MAML3: variants seen among roughly 807,000 people sequenced by gnomAD.
The protein encoded by MAML3 is mastermind-like protein 3.
Under a neutral mutation model 101.9 loss-of-function variants are expected in MAML3, and 27 were observed. The ratio of observed to expected loss-of-function variants is 0.27; its 90% CI spans 0.20 to 0.37. The LOEUF is 0.37. MAML3 is among the 10% of genes least tolerant of loss of function. MAML3 has a pLI of 1.00. For synonymous variants in MAML3, 501 were observed against 555.9 expected, an observed-to-expected ratio of 0.90 and a Z score of 1.39; for missense variants, 1,316 against 1,444.9, an observed-to-expected ratio of 0.91 and a Z score of 1.45.
intron 1 of MAML3, among the ~76,000 whole-genome samples, chr4:140,110,451 A>G (rs74401894): frequency 6.6e-6 from 1 of 152,218 alleles, no homozygotes; most frequent in African/African-American, 2.4e-5. Context: ...ACGCTCTAAT[A>G]ATAAGATGGC....
intron 1 of MAML3, among the ~76,000 whole-genome samples, chr4:140,088,327 C>A (rs188901544): frequency 1.3e-3 from 200 of 152,254 alleles, no homozygotes; most frequent in Non-Finnish European, 2.4e-3. Context: ...CCTCCTCTCT[C>A]CCCTATCCCC....
At chr4:140,118,774 A>G (rs1174234203) in intron 1 of MAML3, among the ~76,000 whole-genome samples, 5 of 152,208 alleles carry the variant, frequency 3.3e-5, no homozygotes, top group African/African-American at 1.2e-4. Context: ...ATGCTGTAGC[A>G]GGGAAAGAGA....
chr4:139,804,634 AG>A (rs1002098322), intron 2 of MAML3, among the ~76,000 whole-genome samples: 3 of 152,174 alleles, frequency 2.0e-5, no homozygotes, highest in Non-Finnish European at 4.4e-5. Flanking sequence ...TTGATTTTTA[AG>A]GTCTGCTTAT....
intron 2 of MAML3, among the ~76,000 whole-genome samples, chr4:139,800,344 T>C (rs1730582716): frequency 6.6e-6 from 1 of 152,184 alleles, no homozygotes; most frequent in African/African-American, 2.4e-5. Flanking sequence ...AGTCTACTTG[T>C]GTGGTCTCAG....
Position 139,774,115 on chromosome 4 carries a change from C to G in MAML3, c.2080-43448G>C, listed in dbSNP as rs1032742764. Reference sequence around the variant, plus strand: ...GCCACAGAAAAGAGCAGCAGAGCACCAGGACTTGGCTCAGCTCCAAGTCAG... The same window carrying G: ...GCCACAGAAAAGAGCAGCAGAGCACGAGGACTTGGCTCAGCTCCAAGTCAG... On this transcript the variant is annotated intron_variant, in intron 2 of 4. Coordinates refer to ENST00000509479, the MANE Select transcript of MAML3 (RefSeq NM_018717.5). Among the ~76,000 whole-genome samples the G allele has an allele frequency of 5.9e-5, 9 of 152,142 alleles. No individual in the cohort carries two copies. The East Asian group carries it at 1.7e-3, about 29-fold the overall frequency.
At chr4:140,091,543 C>CAAAA (rs1186102121) in intron 1 of MAML3, among the ~76,000 whole-genome samples, 2 of 108,268 alleles carry the variant, frequency 1.8e-5, no homozygotes, top group Admixed American at 2.1e-4. Context: ...AAAACAAAAA[C>CAAAA]AAAACAAAAA....
intron 2 of MAML3, among the ~76,000 whole-genome samples, chr4:139,842,007 G>T (rs2111145931): frequency 6.6e-6 from 1 of 152,324 alleles, no homozygotes; most frequent in South Asian, 2.1e-4. Flanking sequence ...TCCAGGGCCA[G>T]CAACCCCCAT....
chr4:139,874,929 G>A (rs1268268465), intron 2 of MAML3, among the ~76,000 whole-genome samples: 3 of 150,550 alleles, frequency 2.0e-5, no homozygotes, highest in Admixed American at 6.6e-5. Context: ...ACAGCCTCCC[G>A]AGTAGCTGGA....
chr4:140,012,638 T>C lies in MAML3; in HGVS notation c.469-121671A>G, dbSNP rs1322702707. On this transcript the variant is annotated intron_variant, in intron 1 of 4. Coordinates refer to ENST00000509479, the MANE Select transcript of MAML3 (RefSeq NM_018717.5). The stretch of plus-strand genomic sequence containing the variant: ...GGGCATTTGTTTAACAGCCTTTCTA[T>C]AGACCGCTTTGCTTAATAATTTAAA... 6.6e-5 allele frequency among the ~76,000 whole-genome samples: 10 copies of C among 152,250 alleles called. No homozygotes were observed. In the East Asian group the frequency reaches 1.5e-3, roughly 23 times the overall value.
chr4:139,962,667 C>G (rs1734041205), intron 1 of MAML3, among the ~76,000 whole-genome samples: 1 of 152,162 alleles, frequency 6.6e-6, no homozygotes, highest in African/African-American at 2.4e-5. Context: ...TGCAACTTCT[C>G]TGTAAATCTA....
At chr4:139,840,953 C>G (rs1013457540) in intron 2 of MAML3, among the ~76,000 whole-genome samples, 33 of 152,344 alleles carry the variant, frequency 2.2e-4, no homozygotes, top group African/African-American at 7.7e-4. Context: ...AGCACTCTGG[C>G]TGCTCTAGGT....
intron 1 of MAML3, among the ~76,000 whole-genome samples, chr4:139,960,286 G>T (rs1733988243): frequency 6.6e-6 from 1 of 152,218 alleles, no homozygotes; most frequent in Non-Finnish European, 1.5e-5. Context: ...TGAACATTCT[G>T]TCCTGTGCAC....
At chr4:140,059,929 G>A (rs1461097404) in intron 1 of MAML3, among the ~76,000 whole-genome samples, 1 of 152,138 alleles carries the variant, frequency 6.6e-6, no homozygotes, top group Non-Finnish European at 1.5e-5. Context: ...TATGATATAT[G>A]AAAGTCAAAA....
intron 1 of MAML3, among the ~76,000 whole-genome samples, chr4:139,910,622 A>G (rs1732899449): frequency 6.6e-6 from 1 of 152,220 alleles, no homozygotes; most frequent in African/African-American, 2.4e-5. Flanking sequence ...TGGAGATATT[A>G]GGAACAAGAA....
chr4:139,783,562 C>T (rs1225460533), intron 2 of MAML3, among the ~76,000 whole-genome samples: 2 of 152,188 alleles, frequency 1.3e-5, no homozygotes, highest in African/African-American at 2.4e-5. Flanking sequence ...CGCTTCCAGC[C>T]CCTGGACTCC....
At chr4:139,929,630 C>T (rs1226423400) in intron 1 of MAML3, among the ~76,000 whole-genome samples, 2 of 152,208 alleles carry the variant, frequency 1.3e-5, no homozygotes, top group Non-Finnish European at 2.9e-5. Flanking sequence ...TTAGTTGGTA[C>T]ATAACGTATG....
intron 1 of MAML3, among the ~76,000 whole-genome samples, chr4:140,055,247 A>C (rs979978610): frequency 5.3e-5 from 8 of 152,214 alleles, no homozygotes; most frequent in African/African-American, 1.4e-4. Flanking sequence ...ATAAAAAAAA[A>C]CCTACTTCTT....
At chr4:140,149,911 A>G (rs1185376455) in intron 1 of MAML3, among the ~76,000 whole-genome samples, 1 of 151,264 alleles carries the variant, frequency 6.6e-6, no homozygotes, top group Non-Finnish European at 1.5e-5. Context: ...TTTTAAAAGG[A>G]AATATAACTT....
At chr4:139,812,110 CTGGGTG>C (rs1306164005) in intron 2 of MAML3, among the ~76,000 whole-genome samples, 2 of 152,120 alleles carry the variant, frequency 1.3e-5, no homozygotes, top group Non-Finnish European at 2.9e-5. Flanking sequence ...ACAAAACTAG[CTGGGTG>C]TGGTGGCATG....
Sources: allele counts gnomAD v4.1 joint callset (sites outside exome capture counted in the v4.1 genomes callset), GRCh38; gene constraint gnomAD v4.1.1; transcripts MANE v1.5; gene names NCBI Gene and HGNC (gene_info 2026-07-23, HGNC 2026-07-21).